Variants in RFX8 observed in about 807,000 individuals in gnomAD.
RFX8 encodes the protein regulatory factor X8.
A neutral mutation model predicts 54.6 loss-of-function variants in RFX8; 46 were observed. The observed-to-expected ratio is 0.84, with a 90% confidence interval of 0.67 to 1.08. The LOEUF (loss-of-function observed/expected upper bound fraction) is 1.08. Ranked by LOEUF, RFX8 falls within the 50% of genes least tolerant of loss-of-function variation. RFX8 has a pLI of 0.00. For missense variants in RFX8, 536 were observed against 562.3 expected (o/e 0.95, Z 0.47); for synonymous variants, 192 against 209.5 (o/e 0.92, Z 0.72).
At chr2:101,402,369 T>A in intron 11 of RFX8, 67 bp downstream of exon 11, 1 of 1,263,308 alleles carries the variant, frequency 7.9e-7, no homozygotes, top group Non-Finnish European at 1.1e-6. Flanking sequence ...TTGAGGGTTT[T>A]ACTAATCACC....
intron 8 of RFX8, among the ~76,000 whole-genome samples, 161 bp from the exon 9 acceptor site, chr2:101,410,874 G>C (rs1409521390): frequency 6.6e-6 from 1 of 152,206 alleles, no homozygotes; most frequent in Non-Finnish European, 1.5e-5. Context: ...ATGTCCTGAG[G>C]CTGGCTTTGT....
rs538863041 is a variant in RFX8 at position 101,413,006 on chromosome 2, G to C, written c.627C>G (p.Ile209Met). 1.3e-6 allele frequency: 2 copies of C among 1,552,024 alleles called. No homozygotes were observed. Among genetic ancestry groups the C allele is most frequent in the African/African-American group, 1.4e-5 (1 of 73,148 alleles). ...AAGTAGCCAAAGTGCCTTGATTGAT[G>C]ATGGCCTGTAGATCTGACTTCAAAA... ...VSVLKSDLQA[I>M]INQGTLATSK... is the part of the protein sequence containing the mutation. The change falls in exon 8 of 12, where the codon ATC becomes ATG. Residue 209 changes from isoleucine (I) to methionine (M), a missense_variant. Ile to Met is a conservative substitution (Grantham distance 10). Transcript: ENST00000428343.
intron 2 of RFX8, among the ~76,000 whole-genome samples, chr2:101,455,580 T>C (rs1688921968): frequency 6.6e-6 from 1 of 152,224 alleles, no homozygotes; most frequent in Admixed American, 6.5e-5. Context: ...TCTATATCTC[T>C]GTTTTGGTAC....
intron 2 of RFX8, among the ~76,000 whole-genome samples, chr2:101,423,070 C>T (rs1273042159): frequency 6.6e-6 from 1 of 151,994 alleles, no homozygotes; most frequent in East Asian, 1.9e-4. Flanking sequence ...CCAGCCTAGC[C>T]AACATGGTGA....
chr2:101,407,854 A>G (rs560453874), intron 9 of RFX8, among the ~76,000 whole-genome samples: 2 of 152,242 alleles, frequency 1.3e-5, no homozygotes, highest in African/African-American at 4.8e-5. Flanking sequence ...ATGTCCCCCA[A>G]CGTAGAAGCT....
rs774126696 is a variant in RFX8, at chr2:101,451,458, C to G, written c.72+15319G>C. Among the ~76,000 whole-genome samples the G allele has an allele frequency of 4.6e-5, 7 of 151,864 alleles. No homozygotes were observed. In the East Asian group the frequency reaches 1.4e-3, roughly 30 times the overall value. On this transcript the variant is annotated intron_variant, in intron 2 of 11. Transcript: ENST00000428343. ...ATCTCAGCACTTTGGGAGGCTGAGA[C>G]GGGTGGATCATCTGAGGTCAGGAGT...
At chr2:101,457,958 A>G (rs1022792286) in intron 2 of RFX8, among the ~76,000 whole-genome samples, 1 of 152,164 alleles carries the variant, frequency 6.6e-6, no homozygotes, top group Non-Finnish European at 1.5e-5. Flanking sequence ...CTTTACCATT[A>G]TGTAATGGCC....
chr2:101,431,379 C>A (rs1035864760), intron 2 of RFX8, among the ~76,000 whole-genome samples: 1 of 152,154 alleles, frequency 6.6e-6, no homozygotes, highest in Admixed American at 6.5e-5. Flanking sequence ...CATCAGGGGG[C>A]CATCCTATTC....
chr2:101,449,649 T>C (rs887576622), intron 2 of RFX8, among the ~76,000 whole-genome samples: 9 of 152,024 alleles, frequency 5.9e-5, no homozygotes, highest in African/African-American at 1.9e-4. Flanking sequence ...CAGTGGGTCA[T>C]CGAAGTGGAA....
chr2:101,451,387 G>A (rs1209794815), intron 2 of RFX8, among the ~76,000 whole-genome samples: 2 of 152,078 alleles, frequency 1.3e-5, no homozygotes, highest in Admixed American at 6.5e-5. Flanking sequence ...TTCTTTTCAC[G>A]TTAGAAATAC....
chr2:101,446,420 C>G (rs942947053), intron 2 of RFX8, among the ~76,000 whole-genome samples: 1 of 120,578 alleles, frequency 8.3e-6, no homozygotes, highest in Admixed American at 7.5e-5. Flanking sequence ...GTGATCCACT[C>G]GCCTTGGTCT....
intron 1 of RFX8, among the ~76,000 whole-genome samples, chr2:101,470,923 G>A (rs918277515): frequency 7.3e-5 from 11 of 150,598 alleles, no homozygotes; most frequent in Non-Finnish European, 1.5e-4. Context: ...GTTTCACCGT[G>A]TTAGCCAGGA....
chr2:101,470,931 G>C (rs187841675), intron 1 of RFX8, among the ~76,000 whole-genome samples: 12 of 150,588 alleles, frequency 8.0e-5, no homozygotes, highest in Non-Finnish European at 1.3e-4. Context: ...GTGTTAGCCA[G>C]GATGGTCTTG....
At chr2:101,456,257 G>T (rs142644118) in intron 2 of RFX8, among the ~76,000 whole-genome samples, 3,064 of 152,270 alleles carry the variant, frequency 0.02, 91 homozygotes, top group African/African-American at 0.061. Flanking sequence ...ATGTTGAATA[G>T]GAGTGGTGAG....
chr2:101,461,670 C>T (rs1689288634), intron 2 of RFX8, among the ~76,000 whole-genome samples: 1 of 151,928 alleles, frequency 6.6e-6, no homozygotes, highest in Non-Finnish European at 1.5e-5. Context: ...ATATAGAGAG[C>T]AAATACAACA....
chr2:101,401,991 G>A (rs1313837482), intron 11 of RFX8, among the ~76,000 whole-genome samples: 1 of 152,208 alleles, frequency 6.6e-6, no homozygotes, highest in African/African-American at 2.4e-5. Flanking sequence ...GTAGGTGTTA[G>A]GTAAATAGTA....
chr2:101,412,005 C>T (rs1405770470), intron 8 of RFX8, among the ~76,000 whole-genome samples: 1 of 152,168 alleles, frequency 6.6e-6, no homozygotes, highest in African/African-American at 2.4e-5. Context: ...GTGAATAAGA[C>T]ACAGTTGATA....
Position 101,402,563 on chromosome 2 carries a change from G to A in RFX8, c.1118C>T (p.Ala373Val). 9.0e-6 allele frequency: 14 copies of A among 1,551,884 alleles called. No homozygotes were observed. Among genetic ancestry groups the A allele is most frequent in the Non-Finnish European group, 1.2e-5 (14 of 1,147,036 alleles). Residue 373 changes from alanine to valine, a missense_variant, in exon 11 of 12, where the codon GCC becomes GTC. By Grantham distance (64) the Ala-to-Val change is moderately conservative (BLOSUM62 0). Coordinates refer to ENST00000428343, the MANE Select transcript of RFX8 (RefSeq NM_001145664.2). Reference sequence around the variant, plus strand: ...CCCCAGTGGCTCCATGCTGGGGCTGGCACACGCCTGCGACAGTGAGGAATT... The same window carrying A: ...CCCCAGTGGCTCCATGCTGGGGCTGACACACGCCTGCGACAGTGAGGAATT... Reference protein sequence around the residue: ...SLNSSLSQACASPSMEPLGVM... With the variant: ...SLNSSLSQACVSPSMEPLGVM...
At chr2:101,405,612 A>G (rs1214316086) in intron 10 of RFX8, among the ~76,000 whole-genome samples, 2 of 152,108 alleles carry the variant, frequency 1.3e-5, no homozygotes, top group African/African-American at 4.8e-5. Context: ...TGAGTGCTTC[A>G]AAGAACCCAT....
Sources: gnomAD v4.1 joint callset for allele counts (sites outside exome capture counted in the v4.1 genomes callset) on GRCh38, gnomAD v4.1.1 for gene constraint, MANE v1.5 for transcripts, NCBI Gene and HGNC (gene_info 2026-07-23, HGNC 2026-07-21) for gene names.